The following ZSWIM4 variants were observed in gnomAD, a reference collection of about 807,000 sequenced individuals.
ZSWIM4 encodes the protein zinc finger SWIM-type containing 4, also known as zinc finger SWIM domain-containing protein 4.
ZSWIM4 carries 62 observed loss-of-function variants against 102.5 expected under a neutral mutation model. The ratio of observed to expected loss-of-function variants is 0.60; its 90% CI spans 0.49 to 0.75. ZSWIM4 has a LOEUF of 0.75. Ranked by LOEUF, ZSWIM4 falls within the 30% of genes least tolerant of loss-of-function variation. The pLI, the probability that ZSWIM4 is intolerant of heterozygous loss-of-function variation, is 0.00. For missense variants in ZSWIM4, 1,280 were observed against 1,529.6 expected, an observed-to-expected ratio of 0.84 and a Z score of 2.72; for synonymous variants, 652 against 674.5, an observed-to-expected ratio of 0.97 and a Z score of 0.52.
At chr19:13,819,595 C>A in intron 10 of ZSWIM4, 103 bp downstream of exon 10, 1 of 1,369,396 alleles carries the variant, frequency 7.3e-7, no homozygotes, top group Non-Finnish European at 9.8e-7. Flanking sequence ...AACTCACAGC[C>A]TAGTTAATTC....
In ZSWIM4 at chr19:13,830,502, G is replaced by A; in HGVS notation, c.2773G>A (p.Val925Met). 3.7e-6 allele frequency: 6 copies of A among 1,600,520 alleles called. No individual in the cohort carries two copies. The highest frequency in any genetic ancestry group is 5.1e-6 in the Non-Finnish European group (6 of 1,179,552). Reference sequence around the variant, plus strand: ...CCTGGGCCACGCCCACCTCTTCACTGTGGCCCGCTATATGGAGCACCGCGG... The same window carrying A: ...CCTGGGCCACGCCCACCTCTTCACTATGGCCCGCTATATGGAGCACCGCGG... ...GGLGHAHLFT[V>M]ARYMEHRGLP... Residue 925 changes from valine (V) to methionine (M), a missense_variant, in exon 14 of 14, where the codon GTG (valine) becomes ATG (methionine). Val to Met is a conservative substitution (Grantham distance 21). Coordinates refer to ENST00000590508, the MANE Select transcript of ZSWIM4 (RefSeq NM_001367834.3).
chr19:13,822,831 T>C (rs1483833417), intron 10 of ZSWIM4, among the ~76,000 whole-genome samples: 1 of 151,908 alleles, frequency 6.6e-6, no homozygotes, highest in Admixed American at 6.6e-5. Context: ...AATACAAAAT[T>C]AGCCAGGTGT....
At chr19:13,815,658 G>T (rs562570285) in intron 7 of ZSWIM4, among the ~76,000 whole-genome samples, 1 of 150,954 alleles carries the variant, frequency 6.6e-6, no homozygotes, top group African/African-American at 2.4e-5. Flanking sequence ...TTTTAGTAGA[G>T]ATGGGGTTTC....
Position 13,825,696 on chromosome 19 carries a change from C to T in ZSWIM4, c.2362C>T (p.Leu788=). Residue 788 remains leucine (L), a synonymous_variant, in exon 12 of 14, where the codon CTG becomes TTG. Coordinates refer to ENST00000590508, the MANE Select transcript of ZSWIM4 (RefSeq NM_001367834.3). This position sits in a 1 kb window ranked among gnomAD's most constrained non-coding sequence, Gnocchi z 4.6. ...PPDTTLLGIA[L]ELGLQVMRMT... is the part of the protein sequence containing the mutation. The stretch of plus-strand genomic sequence containing the variant: ...AGACACCACGCTGCTGGGCATCGCA[C>T]TGGAGCTGGGGCTGCAGGTGAGGGC... The T allele has an allele frequency of 6.2e-7, 1 of 1,610,510 alleles. No homozygotes were observed. Among genetic ancestry groups the T allele is most frequent in the East Asian group, 2.2e-5 (1 of 44,878 alleles).
At chr19:13,797,241 A>G (rs1317196587) in intron 1 of ZSWIM4, among the ~76,000 whole-genome samples, 1 of 152,206 alleles carries the variant, frequency 6.6e-6, no homozygotes, top group African/African-American at 2.4e-5. Flanking sequence ...AACTTGCCCA[A>G]GGTCACCCAG....
rs1006213778 is a variant in ZSWIM4 at position 13,795,656 on chromosome 19, C to G, written c.8C>G (p.Pro3Arg). The change falls in exon 1 of 14, where the codon CCC becomes CGC. Residue 3 changes from proline (P) to arginine (R), a missense_variant. Coordinates refer to ENST00000590508, the MANE Select transcript of ZSWIM4 (RefSeq NM_001367834.3). ME[P>R]PAAKRSRGCP... ...TGGCCCCGGCCGGGCCGGATGGAAC[C>G]CCCCGCGGCCAAGCGGAGCCGGGGC... 2 of 768,860 alleles carry G rather than the reference C, an allele frequency of 2.6e-6. No individual in the cohort carries two copies. Among genetic ancestry groups the G allele is most frequent in the Admixed American group, 4.8e-5 (1 of 20,826 alleles). The allele number at this position is 768,860 out of a possible 1,614,324, so 47.6% of individuals were successfully genotyped here.
chr19:13,795,647 G>A lies in ZSWIM4; in HGVS notation c.-2G>A. 1.5e-6 allele frequency: 1 copy of A among 668,538 alleles called. No homozygotes were observed. Among genetic ancestry groups the A allele is most frequent in the Non-Finnish European group, 2.0e-6 (1 of 496,014 alleles). The allele number at this position is 668,538 out of a possible 1,614,324, so 41.4% of individuals were successfully genotyped here. A position where few individuals can be genotyped will look rare whatever the true frequency, so the allele number is the denominator to read the frequency against. On this transcript the variant is annotated 5_prime_UTR_variant, in exon 1 of 14. Coordinates refer to ENST00000590508, the MANE Select transcript of ZSWIM4 (RefSeq NM_001367834.3). The stretch of plus-strand genomic sequence containing the variant: ...CCCCGGCCCTGGCCCCGGCCGGGCC[G>A]GATGGAACCCCCCGCGGCCAAGCGG...
rs1975211098 is a variant in ZSWIM4 at position 13,814,584 on chromosome 19, C to T, written c.1250C>T (p.Ala417Val). ...ACGGTATTTGGCCGCGCCTTGCTGG[C>T]TGGAGAGCTACACTGGAATGACGCC... Reference protein sequence around the residue: ...RHTVFGRALLAGELHWNDAYL... With the variant: ...RHTVFGRALLVGELHWNDAYL... Residue 417 changes from alanine to valine, a missense_variant, in exon 7 of 14, where the codon GCT becomes GTT. Ala to Val is a moderately conservative substitution (Grantham distance 64). Coordinates refer to ENST00000590508, the MANE Select transcript of ZSWIM4 (RefSeq NM_001367834.3). The T allele has an allele frequency of 5.0e-6, 6 of 1,192,264 alleles. No homozygotes were observed. Among genetic ancestry groups the T allele is most frequent in the Non-Finnish European group, 6.4e-6 (6 of 933,046 alleles). 73.9% of individuals were successfully genotyped at this position (1,192,264 alleles called of 1,614,324 possible). A position where few individuals can be genotyped will look rare whatever the true frequency, so the allele number is the denominator to read the frequency against.
chr19:13,828,503 C>A (rs533869853), intron 12 of ZSWIM4, 142 bp from the exon 13 acceptor site: 49 of 609,240 alleles, frequency 8.0e-5, no homozygotes, highest in African/African-American at 8.0e-4. Context: ...AATTGAGGCC[C>A]AGAAAGTTGA....
rs139843367 is a variant in ZSWIM4 at position 13,817,811 on chromosome 19, G to A, written c.1759G>A (p.Val587Met). ...GESYLVLALE[V>M]ALLGLGQQRA... ...GTCCTACTTGGTGCTGGCGCTGGAG[G>A]TGGCACTGCTGGGGCTGGGGCAGCA... Residue 587 changes from valine (V) to methionine (M), a missense_variant, in exon 9 of 14, where the codon GTG (valine) becomes ATG (methionine). Val to Met is a conservative substitution (Grantham distance 21). Coordinates refer to ENST00000590508, the MANE Select transcript of ZSWIM4 (RefSeq NM_001367834.3). 1.6e-5 allele frequency: 25 copies of A among 1,584,658 alleles called. No individual in the cohort carries two copies. In the African/African-American group the frequency reaches 2.7e-4, roughly 17 times the overall value.
chr19:13,800,611 G>A (rs549728391), intron 2 of ZSWIM4, among the ~76,000 whole-genome samples: 19 of 151,954 alleles, frequency 1.3e-4, no homozygotes, highest in African/African-American at 4.6e-4. Flanking sequence ...GTTTTACTGT[G>A]TTAGCCGGGA....
intron 12 of ZSWIM4, among the ~76,000 whole-genome samples, chr19:13,827,499 AG>A (rs768153209): frequency 1.2e-4 from 18 of 149,542 alleles, no homozygotes; most frequent in Non-Finnish European, 2.2e-4. Flanking sequence ...AGGCTGAGGC[AG>A]GAGAATCACA....
chr19:13,803,519 C>T (rs1038599074), intron 2 of ZSWIM4, among the ~76,000 whole-genome samples: 5 of 151,970 alleles, frequency 3.3e-5, no homozygotes, highest in Middle Eastern at 6.8e-3. Context: ...CGGTGGCTCG[C>T]GCCTATAATC....
chr19:13,806,015 A>T (rs1206302084), intron 3 of ZSWIM4, among the ~76,000 whole-genome samples: 1 of 147,494 alleles, frequency 6.8e-6, no homozygotes, highest in Non-Finnish European at 1.5e-5. Context: ...AGGGCAACTG[A>T]TGGTGTGGAA....
rs1975587136 is a variant in ZSWIM4, at chr19:13,825,652, C to T, written c.2318C>T (p.Thr773Ile). The T allele has an allele frequency of 1.2e-6, 2 of 1,613,624 alleles. No individual in the cohort carries two copies. Among genetic ancestry groups the T allele is most frequent in the Non-Finnish European group, 8.5e-7 (1 of 1,180,024 alleles). The change falls in exon 12 of 14, where the codon ACC becomes ATC. Residue 773 changes from threonine (T) to isoleucine (I), a missense_variant. Physicochemically the swap from Thr to Ile is moderately conservative, Grantham distance 89. Transcript: ENST00000590508. This position sits in a 1 kb window ranked among gnomAD's most constrained non-coding sequence, Gnocchi z 4.6. ...KLAQDACKTA[T>I]PVSAPPDTTL... is the part of the protein sequence containing the mutation. ...GCGCAGGACGCCTGCAAGACAGCCA[C>T]CCCGGTCAGCGCCCCACCAGACACC... is the stretch of plus-strand genomic sequence containing the variant.
In ZSWIM4 at chr19:13,809,033, G is replaced by A. The variant is rs752892425; in HGVS notation, c.862-37G>A. Reference sequence around the variant, plus strand: ...CGGGGTGCAGAAGGCCCCGGCGGACGCCCCAGCCCTTCCTCACCACCCTGT... The same window carrying A: ...CGGGGTGCAGAAGGCCCCGGCGGACACCCCAGCCCTTCCTCACCACCCTGT... On this transcript the variant is annotated intron_variant, in intron 4 of 13. Coordinates refer to ENST00000590508, the MANE Select transcript of ZSWIM4 (RefSeq NM_001367834.3). The surrounding 1 kb of genome is among the most constrained non-coding windows in gnomAD (Gnocchi z 4.2). 16 of 1,605,956 alleles carry A rather than the reference G, an allele frequency of 1.0e-5. No homozygotes were observed. Among genetic ancestry groups the A allele is most frequent in the Admixed American group, 8.4e-5 (5 of 59,616 alleles).
At chr19:13,800,002 C>T in intron 2 of ZSWIM4, 81 bp downstream of exon 2, 1 of 1,442,528 alleles carries the variant, frequency 6.9e-7, no homozygotes, top group Non-Finnish European at 9.4e-7. Flanking sequence ...GGAGGGAGGC[C>T]TGGGGCCAGG....
In ZSWIM4 at chr19:13,805,090, T is replaced by C. The variant is rs745945572; in HGVS notation, c.654T>C (p.Thr218=). ...CCCATCACACTGAGGTGCTGCCCAC[T>C]GCTCAGCGCTTGGCTGATGAGATCC... The part of the protein sequence containing the change: ...ISAHHTEVLP[T]AQRLADEILL... The change falls in exon 3 of 14, where the codon ACT becomes ACC. Residue 218 remains threonine, a synonymous_variant. Coordinates refer to ENST00000590508, the MANE Select transcript of ZSWIM4 (RefSeq NM_001367834.3). The C allele has an allele frequency of 1.2e-5, 19 of 1,605,254 alleles. No individual in the cohort carries two copies. The highest frequency in any genetic ancestry group is 1.6e-5 in the Non-Finnish European group (19 of 1,179,964).
At chr19:13,801,296 C>T (rs999618226) in intron 2 of ZSWIM4, among the ~76,000 whole-genome samples, 2 of 152,096 alleles carry the variant, frequency 1.3e-5, no homozygotes, top group African/African-American at 4.8e-5. Flanking sequence ...GGAAAGTGCT[C>T]CTAGAGCCCT....
Sources: allele counts gnomAD v4.1 joint callset (sites outside exome capture counted in the v4.1 genomes callset), GRCh38; gene constraint gnomAD v4.1.1; non-coding constraint Gnocchi (gnomAD v3.1); transcripts MANE v1.5; gene names NCBI Gene and HGNC (gene_info 2026-07-23, HGNC 2026-07-21).